NT5DC1: variants seen among roughly 807,000 people sequenced by gnomAD.
NT5DC1 encodes the protein 5'-nucleotidase domain containing 1, also known as 5'-nucleotidase domain-containing protein 1.
Under a neutral mutation model 59.4 loss-of-function variants are expected in NT5DC1, and 42 were observed. The observed-to-expected ratio is 0.71, with a 90% confidence interval of 0.55 to 0.92. The LOEUF is 0.92. NT5DC1 is among the 40% of genes least tolerant of loss of function. The pLI, the probability that NT5DC1 is intolerant of heterozygous loss-of-function variation, is 0.00. For synonymous variants in NT5DC1, 172 were observed against 188.1 expected (o/e 0.91, Z 0.70); for missense variants, 501 against 537.1 (o/e 0.93, Z 0.66).
intron 6 of NT5DC1, among the ~76,000 whole-genome samples, chr6:116,154,005 A>T (rs1028579740): frequency 2.6e-5 from 4 of 151,852 alleles, no homozygotes; most frequent in African/African-American, 9.7e-5. Flanking sequence ...TAGAATGTAC[A>T]ATACATGCCT....
chr6:116,121,819 T>C (rs2114292484), intron 6 of NT5DC1: 2 of 1,613,956 alleles, frequency 1.2e-6, no homozygotes, highest in East Asian at 4.5e-5. Flanking sequence ...ATGGTCCCGG[T>C]GGTCCTGGCA....
chr6:116,119,051 G>A (rs529574276), intron 6 of NT5DC1: 7 of 152,724 alleles, frequency 4.6e-5, no homozygotes, highest in Middle Eastern at 3.4e-3. Flanking sequence ...TTATTGCGTC[G>A]TAAATAAGGA....
rs758123296 is a variant in NT5DC1 at position 116,101,031 on chromosome 6, G to C, written c.93+8G>C. On this transcript the variant is annotated splice_region_variant and intron_variant, in intron 1 of 11. Transcript: ENST00000319550. ...CTGCCCGAGAGCGCCCCGGTGAGTG[G>C]CGCGGGCTCCGGGGCGCACTGCGCG... 6 of 1,581,206 alleles carry C rather than the reference G, an allele frequency of 3.8e-6. No homozygotes were observed. The highest frequency in any genetic ancestry group is 3.4e-6 in the Non-Finnish European group (4 of 1,163,386).
At chr6:116,101,141 T>G in intron 1 of NT5DC1, 118 bp downstream of exon 1, 1 of 694,810 alleles carries the variant, frequency 1.4e-6, no homozygotes, top group Non-Finnish European at 2.3e-6. Context: ...GGCCGAGTCT[T>G]GCCGCAGAGC....
intron 6 of NT5DC1, among the ~76,000 whole-genome samples, chr6:116,176,175 A>G (rs1780731075): frequency 6.6e-6 from 1 of 152,122 alleles, no homozygotes; most frequent in Non-Finnish European, 1.5e-5. Context: ...AAATTCTTCT[A>G]GTGCTAGAGT....
At chr6:116,156,980 T>C (rs1321765031) in intron 6 of NT5DC1, among the ~76,000 whole-genome samples, 2 of 152,134 alleles carry the variant, frequency 1.3e-5, no homozygotes, top group Non-Finnish European at 2.9e-5. Flanking sequence ...ATTTTCCTCA[T>C]CATAGCTTGT....
At chr6:116,232,336 T>C (rs1294175686) in intron 8 of NT5DC1, among the ~76,000 whole-genome samples, 1 of 152,214 alleles carries the variant, frequency 6.6e-6, no homozygotes, top group Non-Finnish European at 1.5e-5. Context: ...CATCAAATTG[T>C]ATGCTTTAAA....
chr6:116,112,886 T>C (rs1240494873), intron 4 of NT5DC1, among the ~76,000 whole-genome samples: 1 of 152,218 alleles, frequency 6.6e-6, no homozygotes, highest in Admixed American at 6.5e-5. Context: ...TTCTTCTACC[T>C]TTAAGTATAT....
chr6:116,134,688 G>T (rs1346992906), intron 6 of NT5DC1, among the ~76,000 whole-genome samples: 1 of 152,116 alleles, frequency 6.6e-6, no homozygotes, highest in Non-Finnish European at 1.5e-5. Context: ...TTCTTGTAGA[G>T]GTCCTAGTAT....
chr6:116,238,937 T>G lies in NT5DC1; in HGVS notation c.1084-18T>G. 6.7e-7 allele frequency: 1 copy of G among 1,494,872 alleles called. No individual in the cohort carries two copies. Among genetic ancestry groups the G allele is most frequent in the Non-Finnish European group, 9.3e-7 (1 of 1,076,968 alleles). The allele number at this position is 1,494,872 out of a possible 1,614,324, so 92.6% of individuals were successfully genotyped here. The stretch of plus-strand genomic sequence containing the variant: ...ATTAGTTAATCACCATTTTAATTAT[T>G]CTGTTCTCTTGTTTCAGGGACCAAA... On this transcript the variant is annotated intron_variant, in intron 10 of 11. Transcript: ENST00000319550.
Position 116,180,337 on chromosome 6 carries a change from A to G in NT5DC1, c.530-40717A>G, listed in dbSNP as rs550048450. 2.2e-3 allele frequency among the ~76,000 whole-genome samples: 332 copies of G among 152,146 alleles called. 1 individual carries two copies. Among genetic ancestry groups the G allele is most frequent in the South Asian group, 3.7e-3 (18 of 4,826 alleles). ...TACAAATTCTAACGCAAGGTAACTC[A>G]TTGGTGCAGGACAGTTTCTCTTTAT... On this transcript the variant is annotated intron_variant, in intron 6 of 11. Transcript: ENST00000319550.
chr6:116,245,021 T>A lies in NT5DC1; in HGVS notation c.*997T>A, dbSNP rs1771815130. 1.5e-5 allele frequency: 2 copies of A among 137,014 alleles called. No homozygotes were observed. Among genetic ancestry groups the A allele is most frequent in the South Asian group, 5.7e-4 (2 of 3,486 alleles). The allele number at this position is 137,014 out of a possible 1,614,324, so 8.5% of individuals were successfully genotyped here. On this transcript the variant is annotated 3_prime_UTR_variant, in exon 12 of 12. Coordinates refer to ENST00000319550, the MANE Select transcript of NT5DC1 (RefSeq NM_152729.3). The stretch of plus-strand genomic sequence containing the variant: ...TTAATTTATCTCATTGGGAAGAAAT[T>A]TGTAGTTAAAACTATTTAATGTAAT...
At chr6:116,101,336 G>A (rs1404187677) in intron 1 of NT5DC1, among the ~76,000 whole-genome samples, 1 of 152,180 alleles carries the variant, frequency 6.6e-6, no homozygotes, top group African/African-American at 2.4e-5. Context: ...GGAGGGGCGG[G>A]GTCAGGGGGA....
chr6:116,112,491 A>G (rs557233145), intron 4 of NT5DC1, among the ~76,000 whole-genome samples: 11 of 152,300 alleles, frequency 7.2e-5, no homozygotes, highest in Non-Finnish European at 1.3e-4. Flanking sequence ...CTCCTGTCCT[A>G]TTTTTTAAAG....
intron 9 of NT5DC1, 66 bp downstream of exon 9, chr6:116,237,150 A>C (rs891630052): frequency 3.5e-6 from 3 of 850,714 alleles, no homozygotes; most frequent in Non-Finnish European, 6.1e-6. Context: ...TGAACTGCCA[A>C]ATCTCTCCTC....
Position 116,233,137 on chromosome 6 carries a change from A to G in NT5DC1, c.803-3829A>G, listed in dbSNP as rs2114555377. ...TTTGGTATAGAAAATTGTCCTAATA[A>G]TATATTTTTATAGAAAAATGTTTTC... On this transcript the variant is annotated intron_variant, in intron 8 of 11. Transcript: ENST00000319550. Among the ~76,000 whole-genome samples, 2 of 152,330 alleles carry G rather than the reference A, an allele frequency of 1.3e-5. 1 individual carries two copies. Among genetic ancestry groups the G allele is most frequent in the South Asian group, 4.1e-4 (2 of 4,828 alleles).
intron 6 of NT5DC1, among the ~76,000 whole-genome samples, chr6:116,171,500 C>A (rs1780607591): frequency 2.0e-5 from 3 of 152,128 alleles, no homozygotes; most frequent in Admixed American, 6.6e-5. Context: ...AGATTTCAGA[C>A]TGGTACTTAC....
At chr6:116,204,850 T>C (rs950333604) in intron 6 of NT5DC1, among the ~76,000 whole-genome samples, 3 of 152,028 alleles carry the variant, frequency 2.0e-5, no homozygotes, top group Non-Finnish European at 2.9e-5. Flanking sequence ...GCTCAGTAAT[T>C]ATTTGTTATA....
At chr6:116,142,663 C>T (rs1253381039) in intron 6 of NT5DC1, among the ~76,000 whole-genome samples, 1 of 152,006 alleles carries the variant, frequency 6.6e-6, no homozygotes, top group Non-Finnish European at 1.5e-5. Flanking sequence ...TTAAAGCAGT[C>T]GATGGCAGTG....
Sources: gnomAD v4.1 joint callset for allele counts (sites outside exome capture counted in the v4.1 genomes callset) on GRCh38, gnomAD v4.1.1 for gene constraint, MANE v1.5 for transcripts, NCBI Gene and HGNC (gene_info 2026-07-23, HGNC 2026-07-21) for gene names.